Variants in PRKCE observed in about 807,000 individuals in gnomAD.
The protein encoded by PRKCE is protein kinase C epsilon.
A neutral mutation model predicts 85.4 loss-of-function variants in PRKCE; 16 were observed. The ratio of observed to expected loss-of-function variants is 0.19; its 90% CI spans 0.13 to 0.28. The LOEUF (loss-of-function observed/expected upper bound fraction) is 0.28. Among genes scored for constraint, PRKCE ranks in the 10% least tolerant of loss-of-function variants. The pLI, the probability that PRKCE is intolerant of heterozygous loss-of-function variation, is 1.00. For synonymous variants in PRKCE, 388 were observed against 371.5 expected (o/e 1.04, Z -0.51); for missense variants, 573 against 975.2 (o/e 0.59, Z 5.49).
intron 10 of PRKCE, among the ~76,000 whole-genome samples, chr2:46,024,188 C>A (rs542859345): frequency 6.6e-6 from 1 of 152,116 alleles, no homozygotes; most frequent in South Asian, 2.1e-4. Context: ...GAACTACTTA[C>A]GTGAGTTGCC....
chr2:45,901,282 G>A (rs1337621790), intron 2 of PRKCE, among the ~76,000 whole-genome samples: 1 of 152,150 alleles, frequency 6.6e-6, no homozygotes, highest in East Asian at 1.9e-4. Flanking sequence ...TTGAGATGGG[G>A]ACAAGCAAGG....
chr2:45,736,900 G>T (rs988551894), intron 1 of PRKCE, among the ~76,000 whole-genome samples: 1 of 152,176 alleles, frequency 6.6e-6, no homozygotes, highest in African/African-American at 2.4e-5. Context: ...GTGATCAGGG[G>T]AGACTTCACT....
intron 2 of PRKCE, among the ~76,000 whole-genome samples, chr2:45,950,397 C>T (rs928991957): frequency 6.6e-6 from 1 of 152,192 alleles, no homozygotes; most frequent in African/African-American, 2.4e-5. Context: ...TTTATTCCCA[C>T]TTCTTCTTAT....
In PRKCE at chr2:46,145,053, G is replaced by T. The variant is rs1044066015; in HGVS notation, c.1593-40G>T. 6.3e-7 allele frequency: 1 copy of T among 1,598,856 alleles called. No individual in the cohort carries two copies. Among genetic ancestry groups the T allele is most frequent in the African/African-American group, 1.3e-5 (1 of 74,922 alleles). On this transcript the variant is annotated intron_variant, in intron 11 of 14. Coordinates refer to ENST00000306156, the MANE Select transcript of PRKCE (RefSeq NM_005400.3). The surrounding 1 kb of genome is among the most constrained non-coding windows in gnomAD (Gnocchi z 4.6). ...CAACTCAGGAAGACTATATTGGGGT[G>T]AGTGACGTATTGACATTATGGTCCT... is the stretch of plus-strand genomic sequence containing the variant.
intron 1 of PRKCE, among the ~76,000 whole-genome samples, chr2:45,808,256 CT>C (rs147347399): frequency 0.015 from 2,263 of 152,204 alleles, 63 homozygotes; most frequent in African/African-American, 0.052. Context: ...ATTATGAGCA[CT>C]GGAGTAGGGC....
intron 2 of PRKCE, among the ~76,000 whole-genome samples, chr2:45,893,041 C>G (rs1262717713): frequency 6.6e-6 from 1 of 152,174 alleles, no homozygotes; most frequent in Non-Finnish European, 1.5e-5. Flanking sequence ...GAAAGGGGCT[C>G]TCCAAGATGG....
chr2:46,037,143 C>G (rs1033939279), intron 10 of PRKCE, among the ~76,000 whole-genome samples: 1 of 152,188 alleles, frequency 6.6e-6, no homozygotes, highest in Non-Finnish European at 1.5e-5. Context: ...AGGGCCCCCT[C>G]CCAGCCACAG....
At chr2:46,086,132 T>C (rs1020137137) in intron 10 of PRKCE, 76 bp from the exon 11 acceptor site, 1 of 1,483,934 alleles carries the variant, frequency 6.7e-7, no homozygotes. Context: ...AACCTTACAC[T>C]GAGCTCACAC....
intron 1 of PRKCE, among the ~76,000 whole-genome samples, chr2:45,657,268 C>T (rs1183045680): frequency 6.6e-6 from 1 of 152,176 alleles, no homozygotes; most frequent in South Asian, 2.1e-4. Context: ...TTCCCCGGAG[C>T]AGCGAAGTCT....
intron 1 of PRKCE, among the ~76,000 whole-genome samples, chr2:45,730,114 T>A (rs2037224): frequency 0.98 from 149,964 of 152,324 alleles, 73,834 homozygotes; most frequent in East Asian, 1. Flanking sequence ...CATGTTACCA[T>A]AGACGCCAGG....
chr2:46,112,805 C>T (rs546637889), intron 11 of PRKCE, among the ~76,000 whole-genome samples: 1 of 152,278 alleles, frequency 6.6e-6, no homozygotes, highest in South Asian at 2.1e-4. Context: ...CAGGTGTGAG[C>T]CACCACACCT....
intron 2 of PRKCE, among the ~76,000 whole-genome samples, chr2:45,917,641 G>C (rs545876467): frequency 1.3e-5 from 2 of 152,382 alleles, no homozygotes; most frequent in African/African-American, 4.8e-5. Flanking sequence ...TGCAGGTGGA[G>C]CTGCCTGCCA....
At chr2:45,744,809 A>G (rs111578915) in intron 1 of PRKCE, among the ~76,000 whole-genome samples, 5,139 of 152,008 alleles carry the variant, frequency 0.034, 275 homozygotes, top group African/African-American at 0.12. Context: ...GGGTTTCACC[A>G]TGTTGCCCAG....
At chr2:46,070,136 T>A (rs1667950732) in intron 10 of PRKCE, among the ~76,000 whole-genome samples, 1 of 152,234 alleles carries the variant, frequency 6.6e-6, no homozygotes, top group Non-Finnish European at 1.5e-5. Flanking sequence ...GACATTGTAT[T>A]CACCTGGACT....
chr2:45,921,748 T>G (rs778934502), intron 2 of PRKCE, among the ~76,000 whole-genome samples: 38 of 152,228 alleles, frequency 2.5e-4, no homozygotes, highest in Non-Finnish European at 5.3e-4. Flanking sequence ...GTGGCCCTTC[T>G]GCGAGACCTT....
intron 1 of PRKCE, among the ~76,000 whole-genome samples, chr2:45,794,882 G>A (rs907180214): frequency 3.9e-5 from 5 of 127,592 alleles, no homozygotes; most frequent in Admixed American, 3.0e-4. Flanking sequence ...TTTTCTTAAC[G>A]GGAGAAGAAA....
At chr2:45,662,466 G>A (rs529261128) in intron 1 of PRKCE, among the ~76,000 whole-genome samples, 5 of 152,030 alleles carry the variant, frequency 3.3e-5, no homozygotes, top group East Asian at 3.9e-4. Flanking sequence ...GAAATGTATT[G>A]AATAGGGGAG....
chr2:45,669,528 C>A (rs968659369), intron 1 of PRKCE, among the ~76,000 whole-genome samples: 14 of 152,032 alleles, frequency 9.2e-5, no homozygotes, highest in Non-Finnish European at 1.9e-4. Flanking sequence ...AGTGGGGGCT[C>A]CAATAGAGAG....
At chr2:45,997,193 C>G (rs953908124) in intron 6 of PRKCE, among the ~76,000 whole-genome samples, 2 of 152,052 alleles carry the variant, frequency 1.3e-5, no homozygotes, top group Non-Finnish European at 2.9e-5. Flanking sequence ...TTTGTGTCTT[C>G]TCTTTCTCTC....
Sources: allele counts gnomAD v4.1 joint callset (sites outside exome capture counted in the v4.1 genomes callset), GRCh38; gene constraint gnomAD v4.1.1; non-coding constraint Gnocchi (gnomAD v3.1); transcripts MANE v1.5; gene names NCBI Gene and HGNC (gene_info 2026-07-23, HGNC 2026-07-21).